EML2: variants seen among roughly 807,000 people sequenced by gnomAD.
EML2 encodes EMAP like 2, also known as echinoderm microtubule-associated protein-like 2.
EML2 carries 59 observed loss-of-function variants against 84.7 expected under a neutral mutation model. The ratio of observed to expected loss-of-function variants is 0.70; its 90% CI spans 0.56 to 0.86. The LOEUF (loss-of-function observed/expected upper bound fraction) is 0.86, where lower values mean the gene tolerates loss of function less well. EML2 is among the 40% of genes least tolerant of loss of function. The pLI is 0.00. For synonymous variants in EML2, 352 were observed against 348.9 expected (o/e 1.01, Z -0.10); for missense variants, 818 against 855.6 (o/e 0.96, Z 0.55).
At chr19:45,616,402 T>G in intron 15 of EML2, 59 bp downstream of exon 15, 1 of 1,351,724 alleles carries the variant, frequency 7.4e-7, no homozygotes, top group Non-Finnish European at 1.0e-6. Context: ...AGAAAATTGG[T>G]TAATTTTGCA....
intron 9 of EML2, among the ~76,000 whole-genome samples, chr19:45,621,892 C>T (rs867051685): frequency 3.0e-4 from 45 of 151,844 alleles, no homozygotes; most frequent in African/African-American, 1.1e-3. Context: ...TTACAGGCGC[C>T]CACCACCATG....
upstream of EML2, chr19:45,640,915 T>G (rs994324308): frequency 2.0e-5 from 3 of 152,852 alleles, no homozygotes; most frequent in African/African-American, 7.2e-5. Flanking sequence ...TGAGCCTCCC[T>G]TCTAACCCTG....
Position 45,616,542 on chromosome 19 carries a change from G to C in EML2, c.1428C>G (p.Ala476=). 6.2e-7 allele frequency: 1 copy of C among 1,610,908 alleles called. No individual in the cohort carries two copies. ...ACACCAAGTTGTCGTGGGAGCCCAC[G>C]GCCAGGTACGCCCCGTCTGGGGGAG... ...VSFSPDGAYL[A]VGSHDNLVYV... The change falls in exon 15 of 19, where the codon GCC becomes GCG. Residue 476 remains alanine (A), a synonymous_variant. Coordinates refer to ENST00000245925, the MANE Select transcript of EML2 (RefSeq NM_012155.4).
intron 7 of EML2, among the ~76,000 whole-genome samples, chr19:45,629,017 C>CA (rs1972714200): frequency 6.6e-6 from 1 of 152,268 alleles, no homozygotes; most frequent in African/African-American, 2.4e-5. Context: ...GCAGAGTCAG[C>CA]AAGCAGCCAC....
chr19:45,616,886 G>A lies in EML2; in HGVS notation c.1323-33C>T, dbSNP rs752679823. 8.5e-6 allele frequency: 13 copies of A among 1,536,602 alleles called. 1 individual carries two copies. The East Asian group carries it at 1.6e-4, about 19-fold the overall frequency. ...GAGAGGGCGTGGTGGGGGGAGGAGGGGTGAGCTGATCTGACAGAGAGAGGC... is the reference window on the plus strand; with the variant it reads ...GAGAGGGCGTGGTGGGGGGAGGAGGAGTGAGCTGATCTGACAGAGAGAGGC... On this transcript the variant is annotated intron_variant, in intron 13 of 18. Coordinates refer to ENST00000245925, the MANE Select transcript of EML2 (RefSeq NM_012155.4).
In EML2 at chr19:45,611,365, C is replaced by T. The variant is rs558991068; in HGVS notation, c.1825-1577G>A. ...GGCGGAGGTTGCAGTGAGCCAAGAT[C>T]GCGCCATTGCACTGCAGCCTGGGCA... is the stretch of plus-strand genomic sequence containing the variant. On this transcript the variant is annotated intron_variant, in intron 18 of 18. Coordinates refer to ENST00000245925, the MANE Select transcript of EML2 (RefSeq NM_012155.4). 1.2e-3 allele frequency among the ~76,000 whole-genome samples: 177 copies of T among 150,350 alleles called. 2 individuals are homozygous for T. Among genetic ancestry groups the T allele is most frequent in the African/African-American group, 3.8e-3 (155 of 40,934 alleles).
intron 10 of EML2, 74 bp from the exon 11 acceptor site, chr19:45,621,406 A>G (rs1204764220): frequency 6.4e-7 from 1 of 1,571,588 alleles, no homozygotes; most frequent in East Asian, 2.3e-5. Context: ...TGTGGGGAGG[A>G]GGGTCTGGCG....
At chr19:45,639,473 C>G (rs1322007881), upstream of EML2, 18 of 1,188,068 alleles carry the variant, frequency 1.5e-5, no homozygotes, top group Non-Finnish European at 1.8e-5. Flanking sequence ...CGCCCCTGCC[C>G]CGCCCTCCAC....
chr19:45,613,687 AG>A lies in EML2; in HGVS notation c.1694-17del. On this transcript the variant is annotated splice_polypyrimidine_tract_variant and intron_variant, in intron 17 of 18. Transcript: ENST00000245925. ...GACCAGATCCCTGTGGGCAAGATGAAGGGAAGTGGTAAGATGTCAGCTGGAG... is the reference window on the plus strand; with the variant it reads ...GACCAGATCCCTGTGGGCAAGATGAAGGAAGTGGTAAGATGTCAGCTGGAG... The A allele has an allele frequency of 6.2e-7, 1 of 1,608,980 alleles. No individual in the cohort carries two copies.
At chr19:45,616,196 G>C in intron 15 of EML2, 3 of 552,372 alleles carry the variant, frequency 5.4e-6, no homozygotes, top group Admixed American at 3.1e-5. Flanking sequence ...ACACAGAGGG[G>C]CGGTCTCGGA....
chr19:45,617,242 T>TC (rs1195174176), intron 13 of EML2, among the ~76,000 whole-genome samples: 1 of 148,910 alleles, frequency 6.7e-6, no homozygotes, highest in Non-Finnish European at 1.5e-5. Flanking sequence ...CAAGACTCTG[T>TC]CCCCCCAAAA....
intron 14 of EML2, 81 bp from the exon 15 acceptor site, chr19:45,616,639 C>T: frequency 7.1e-7 from 1 of 1,400,566 alleles, no homozygotes. Flanking sequence ...CTCAACAGTC[C>T]CCAGCTCCAT....
intron 16 of EML2, 53 bp downstream of exon 16, chr19:45,615,749 A>C: frequency 6.9e-7 from 1 of 1,442,062 alleles, no homozygotes; most frequent in Non-Finnish European, 9.8e-7. Flanking sequence ...GAACTCAGGG[A>C]AGTCTGCAAA....
At chr19:45,610,134 AC>A (rs1568424694) in intron 18 of EML2, among the ~76,000 whole-genome samples, 1 of 152,206 alleles carries the variant, frequency 6.6e-6, no homozygotes, top group Non-Finnish European at 1.5e-5. Flanking sequence ...GTGGTGGCTC[AC>A]GCCTGTAATC....
intron 15 of EML2, 109 bp from the exon 16 acceptor site, chr19:45,615,998 A>G (rs1453876075): frequency 1.3e-6 from 1 of 782,212 alleles, no homozygotes. Context: ...TAGGGCGAGA[A>G]CACAAGGGGA....
chr19:45,641,329 C>A, upstream of EML2: 1 of 295,000 alleles, frequency 3.4e-6, no homozygotes, highest in Non-Finnish European at 6.5e-6. Flanking sequence ...TGAAACTCAA[C>A]GGGGCCTCTC....
chr19:45,612,444 A>C (rs746600143), intron 18 of EML2, among the ~76,000 whole-genome samples: 34 of 152,210 alleles, frequency 2.2e-4, no homozygotes, highest in Non-Finnish European at 4.4e-4. Context: ...TGGGAAACTA[A>C]GGTGGAGAGG....
At chr19:45,620,000 G>GA (rs902596887) in intron 11 of EML2, among the ~76,000 whole-genome samples, 6 of 152,190 alleles carry the variant, frequency 3.9e-5, no homozygotes, top group African/African-American at 1.4e-4. Context: ...GCAGTGAGCT[G>GA]AAATGGCATC....
chr19:45,641,614 G>T (rs879088321), upstream of EML2: 4 of 1,532,766 alleles, frequency 2.6e-6, no homozygotes, highest in South Asian at 3.6e-5. Context: ...ATCTCTTTCT[G>T]CGGCTTGACG....
Sources: allele counts gnomAD v4.1 joint callset (sites outside exome capture counted in the v4.1 genomes callset), GRCh38; gene constraint gnomAD v4.1.1; transcripts MANE v1.5; gene names NCBI Gene and HGNC (gene_info 2026-07-23, HGNC 2026-07-21).